The following ATG10 variants were observed in gnomAD, a reference collection of about 807,000 sequenced individuals.
ATG10 encodes the protein autophagy related 10, also known as ubiquitin-like-conjugating enzyme ATG10.
Under a neutral mutation model 32.1 loss-of-function variants are expected in ATG10, and 30 were observed. The ratio of observed to expected loss-of-function variants is 0.94; its 90% confidence interval spans 0.70 to 1.27. The LOEUF (loss-of-function observed/expected upper bound fraction) is 1.27. Among genes scored for constraint, ATG10 ranks in the 50% most tolerant of loss-of-function variants. The probability of loss-of-function intolerance (pLI) is 0.00; values close to 1 mark genes in which losing one functional copy is unlikely to be tolerated. For synonymous variants in ATG10, 87 were observed against 91.5 expected (o/e 0.95, Z 0.28); for missense variants, 233 against 262.3 (o/e 0.89, Z 0.77).
At chr5:82,100,118 C>T (rs1257477004) in intron 3 of ATG10, among the ~76,000 whole-genome samples, 2 of 141,898 alleles carry the variant, frequency 1.4e-5, no homozygotes, top group Non-Finnish European at 3.0e-5. Flanking sequence ...AAGCAATTCT[C>T]CTGCTTCAGA....
rs185741833 is a variant in ATG10, at chr5:82,032,922, C to T, written c.109-25573C>T. On this transcript the variant is annotated intron_variant, in intron 2 of 7. Coordinates refer to ENST00000282185, the MANE Select transcript of ATG10 (RefSeq NM_031482.5). ...TTAGAAACTTGTCCAAAGTGGCACGCGAAATTTATATGCCAGGAAATCTGT... is the reference window on the plus strand; with the variant it reads ...TTAGAAACTTGTCCAAAGTGGCACGTGAAATTTATATGCCAGGAAATCTGT... Among the ~76,000 whole-genome samples, 12 of 152,120 alleles carry T rather than the reference C, an allele frequency of 7.9e-5. No individual in the cohort carries two copies. The South Asian group carries it at 8.3e-4, about 11-fold the overall frequency.
At chr5:82,058,786 C>T (rs1324209831) in intron 3 of ATG10, among the ~76,000 whole-genome samples, 184 bp downstream of exon 3, 1 of 152,156 alleles carries the variant, frequency 6.6e-6, no homozygotes, top group African/African-American at 2.4e-5. Flanking sequence ...CTTCTTCCCA[C>T]TGGAGAGAGA....
At chr5:82,053,476 A>G (rs1763491014) in intron 2 of ATG10, among the ~76,000 whole-genome samples, 1 of 151,272 alleles carries the variant, frequency 6.6e-6, no homozygotes, top group South Asian at 2.1e-4. Flanking sequence ...AATTCGTTGC[A>G]TGCCGTAGAA....
At chr5:82,237,681 C>A (rs138584697) in intron 5 of ATG10, among the ~76,000 whole-genome samples, 1 of 151,826 alleles carries the variant, frequency 6.6e-6, no homozygotes, top group African/African-American at 2.4e-5. Flanking sequence ...TCTCTCTCCC[C>A]GAGTCAGAAG....
Position 82,252,583 on chromosome 5 carries a change from C to T in ATG10, c.475C>T (p.Pro159Ser), listed in dbSNP as rs770784797. 1.4e-5 allele frequency: 23 copies of T among 1,608,868 alleles called. No individual in the cohort carries two copies. In the South Asian group the frequency reaches 2.6e-4, roughly 18 times the overall value. Residue 159 changes from proline (P) to serine (S), a missense_variant, in exon 6 of 8, where the codon CCC (proline) becomes TCC (serine). Transcript: ENST00000282185. ...ACAGGAACATCCAATACTTGGGCAA[C>T]CCTTTTTTGTACTTCATCCCTGCAA... Reference protein sequence around the residue: ...TQQEHPILGQPFFVLHPCKTN... With the variant: ...TQQEHPILGQSFFVLHPCKTN...
intron 3 of ATG10, among the ~76,000 whole-genome samples, chr5:82,155,461 A>G (rs1157954841): frequency 1.3e-5 from 2 of 152,190 alleles, no homozygotes; most frequent in African/African-American, 4.8e-5. Flanking sequence ...TTGTTTTTGT[A>G]AATAAAATGT....
At chr5:81,988,442 A>G (rs546029393) in intron 2 of ATG10, among the ~76,000 whole-genome samples, 25 of 151,214 alleles carry the variant, frequency 1.7e-4, no homozygotes, top group South Asian at 6.3e-4. Context: ...CCCAGCCCCA[A>G]ATTTTTTTGT....
intron 3 of ATG10, among the ~76,000 whole-genome samples, chr5:82,093,452 AT>A (rs1004130093): frequency 4.6e-5 from 7 of 152,178 alleles, no homozygotes; most frequent in African/African-American, 1.7e-4. Flanking sequence ...TTTGAAAAAT[AT>A]CTTCAGTGTC....
chr5:82,130,907 A>G (rs1246750632), intron 3 of ATG10, among the ~76,000 whole-genome samples: 1 of 152,202 alleles, frequency 6.6e-6, no homozygotes, highest in African/African-American at 2.4e-5. Flanking sequence ...ACAGTCAATC[A>G]TCATGTCCTT....
intron 3 of ATG10, among the ~76,000 whole-genome samples, chr5:82,135,592 T>C (rs1397400618): frequency 6.6e-6 from 1 of 152,242 alleles, no homozygotes; most frequent in East Asian, 1.9e-4. Context: ...GAGAGACTGT[T>C]ATGATTTCTG....
intron 2 of ATG10, among the ~76,000 whole-genome samples, chr5:81,991,791 G>A (rs1245150174): frequency 9.4e-5 from 14 of 148,260 alleles, no homozygotes; most frequent in African/African-American, 2.5e-5. Flanking sequence ...GTGAAACTCC[G>A]TCTCAAAAAA....
At chr5:82,008,555 A>G (rs1762043114) in intron 2 of ATG10, among the ~76,000 whole-genome samples, 1 of 152,244 alleles carries the variant, frequency 6.6e-6, no homozygotes, top group South Asian at 2.1e-4. Context: ...GAAAGCTATA[A>G]TACTTCACAA....
At chr5:82,074,330 T>C (rs1475599348) in intron 3 of ATG10, among the ~76,000 whole-genome samples, 1 of 152,174 alleles carries the variant, frequency 6.6e-6, no homozygotes, top group African/African-American at 2.4e-5. Context: ...CTTGGGATGG[T>C]GGGGGAGCTT....
intron 5 of ATG10, among the ~76,000 whole-genome samples, chr5:82,183,433 G>A (rs1049372954): frequency 4.0e-5 from 6 of 150,360 alleles, no homozygotes; most frequent in Non-Finnish European, 8.9e-5. Flanking sequence ...TGTTTACTAT[G>A]TTCCTCCCTG....
chr5:82,188,966 T>G (rs1744557708), intron 5 of ATG10, among the ~76,000 whole-genome samples: 1 of 152,232 alleles, frequency 6.6e-6, no homozygotes, highest in Non-Finnish European at 1.5e-5. Context: ...CCATATTACA[T>G]TTGCAGCCTG....
intron 2 of ATG10, among the ~76,000 whole-genome samples, chr5:82,005,885 A>C (rs564029938): frequency 6.6e-6 from 1 of 152,244 alleles, no homozygotes; most frequent in East Asian, 1.9e-4. Flanking sequence ...TTAGTCTTTC[A>C]GAAGAATTAA....
At chr5:82,064,120 A>G (rs1375127167) in intron 3 of ATG10, among the ~76,000 whole-genome samples, 2 of 152,208 alleles carry the variant, frequency 1.3e-5, no homozygotes, top group Non-Finnish European at 2.9e-5. Flanking sequence ...TATCATGAAA[A>G]ATTATTGGTA....
intron 2 of ATG10, among the ~76,000 whole-genome samples, chr5:82,021,306 T>A (rs1401374087): frequency 1.3e-5 from 2 of 152,172 alleles, no homozygotes; most frequent in Non-Finnish European, 2.9e-5. Context: ...AAAGAGGGGC[T>A]GCTGACTTTT....
At chr5:81,977,901 T>C (rs1760914179) in intron 1 of ATG10, among the ~76,000 whole-genome samples, 1 of 152,178 alleles carries the variant, frequency 6.6e-6, no homozygotes. Flanking sequence ...ACAAAGACTT[T>C]TGCAAGAAGA....
Sources: gnomAD v4.1 joint callset for allele counts (sites outside exome capture counted in the v4.1 genomes callset) on GRCh38, gnomAD v4.1.1 for gene constraint, MANE v1.5 for transcripts, NCBI Gene and HGNC (gene_info 2026-07-23, HGNC 2026-07-21) for gene names.